Variants in P2RY10 observed in about 807,000 individuals in gnomAD.
P2RY10 encodes putative P2Y purinoceptor 10.
P2RY10 carries 4 observed loss-of-function variants against 12.1 expected under a neutral mutation model. The observed-to-expected ratio is 0.33, with a 90% CI of 0.16 to 0.76. The LOEUF is 0.76. Ranked by LOEUF, P2RY10 falls within the 30% of genes least tolerant of loss-of-function variation. P2RY10 has a pLI of 0.61. For missense variants in P2RY10, 233 were observed against 264.6 expected (o/e 0.88, Z 0.83); for synonymous variants, 112 against 94.1 (o/e 1.19, Z -1.10).
chrX:78,956,187 G>A (rs1224947526), intron 3 of P2RY10, among the ~76,000 whole-genome samples: 2 of 111,629 alleles, frequency 1.8e-5, no homozygotes, highest in East Asian at 2.8e-4. Context: ...GACTGTGCTA[G>A]TTTCTACCCA....
intron 3 of P2RY10, among the ~76,000 whole-genome samples, chrX:78,957,335 C>T (rs1223202079): frequency 1.1e-5 from 1 of 90,231 alleles, no homozygotes; most frequent in African/African-American, 4.1e-5. Flanking sequence ...TAGAGCCAGA[C>T]TCATAGATAG....
chrX:78,960,364 C>T (rs904697074), intron 3 of P2RY10, 144 bp from the exon 4 acceptor site: 1 of 492,376 alleles, frequency 2.0e-6, no homozygotes, highest in South Asian at 3.5e-5. Flanking sequence ...ACTATATTTT[C>T]CTTGAGCCTC....
intron 3 of P2RY10, among the ~76,000 whole-genome samples, chrX:78,958,528 C>A (rs1922453166): frequency 8.9e-6 from 1 of 112,266 alleles, no homozygotes; most frequent in African/African-American, 3.2e-5. Flanking sequence ...TCTAGCTTTG[C>A]TACTTAAGGC....
intron 2 of P2RY10, among the ~76,000 whole-genome samples, chrX:78,948,399 C>T (rs915371074): frequency 2.7e-5 from 3 of 111,770 alleles, no homozygotes; most frequent in Non-Finnish European, 5.7e-5. Context: ...AATGAACTCA[C>T]ATTTATTTAA....
At chrX:78,952,785 G>A (rs753022246) in intron 3 of P2RY10, among the ~76,000 whole-genome samples, 14 of 111,784 alleles carry the variant, frequency 1.3e-4, no homozygotes, top group South Asian at 3.7e-4. Context: ...AAAATTATGC[G>A]TGTTAGAAAA....
At chrX:78,947,230 A>G (rs1002720935) in intron 1 of P2RY10, among the ~76,000 whole-genome samples, 5 of 110,701 alleles carry the variant, frequency 4.5e-5, no homozygotes, top group African/African-American at 1.6e-4. Context: ...AAAAATAAAA[A>G]AAAGATAGGC....
intron 1 of P2RY10, among the ~76,000 whole-genome samples, chrX:78,945,956 A>C (rs765262217): frequency 4.5e-5 from 5 of 111,903 alleles, no homozygotes; most frequent in Non-Finnish European, 7.5e-5. Flanking sequence ...GCTTTCAGAG[A>C]TACTGAGACA....
intron 2 of P2RY10, among the ~76,000 whole-genome samples, chrX:78,950,396 C>G (rs1467546844): frequency 9.0e-6 from 1 of 110,754 alleles, no homozygotes; most frequent in African/African-American, 3.3e-5. Context: ...AAGAGCGTAT[C>G]AGAGCAGCAC....
rs1180775738 is a variant in P2RY10 at position 78,962,552 on chromosome X, T to A, written c.*1012T>A. On this transcript the variant is annotated 3_prime_UTR_variant, in exon 4 of 4. Coordinates refer to ENST00000171757, the MANE Select transcript of P2RY10 (RefSeq NM_014499.4). ...TAAGCCACATGAGATCAAGGCCATTTCAACATGGTTTGCCTGGAATTCTCC... is the reference window on the plus strand; with the variant it reads ...TAAGCCACATGAGATCAAGGCCATTACAACATGGTTTGCCTGGAATTCTCC... Among the ~76,000 whole-genome samples, 1 of 111,938 alleles carries A rather than the reference T, an allele frequency of 8.9e-6. No individual in the cohort carries two copies. Among genetic ancestry groups the A allele is most frequent in the Non-Finnish European group, 1.9e-5 (1 of 53,204 alleles).
chrX:78,952,307 T>C lies in P2RY10; in HGVS notation c.-42T>C, dbSNP rs996740125. The C allele has an allele frequency of 1.3e-6, 1 of 750,753 alleles. No individual in the cohort carries two copies. Among genetic ancestry groups the C allele is most frequent in the African/African-American group, 2.3e-5 (1 of 43,064 alleles). The allele number at this position is 750,753 out of a possible 1,213,427, so 61.9% of individuals were successfully genotyped here. ...CCTGACCTTTGGAATAGGAAGCATG[T>C]ACCCTGGACAGAGCACTTCAAACTA... On this transcript the variant is annotated 5_prime_UTR_variant, in exon 3 of 4. Transcript: ENST00000171757.
chrX:78,947,353 G>A (rs754521077), intron 1 of P2RY10, among the ~76,000 whole-genome samples: 1 of 111,917 alleles, frequency 8.9e-6, no homozygotes, highest in Non-Finnish European at 1.9e-5. Context: ...GTTCCCCGGT[G>A]GTCTATGATT....
intron 2 of P2RY10, among the ~76,000 whole-genome samples, chrX:78,949,626 A>T (rs1160119708): frequency 8.9e-6 from 1 of 112,451 alleles, no homozygotes; most frequent in Admixed American, 9.4e-5. Flanking sequence ...CCTGCATGAA[A>T]GTTCAAATTC....
chrX:78,960,930 A>G lies in P2RY10; in HGVS notation c.410A>G (p.Lys137Arg). 1.7e-6 allele frequency: 2 copies of G among 1,211,029 alleles called. No individual in the cohort carries two copies. The highest frequency in any genetic ancestry group is 2.2e-6 in the Non-Finnish European group (2 of 895,031). The change falls in exon 4 of 4, where the codon AAG becomes AGG. Residue 137 changes from lysine (K) to arginine (R), a missense_variant. Physicochemically the swap from Lys to Arg is conservative, Grantham distance 26. Coordinates refer to ENST00000171757, the MANE Select transcript of P2RY10 (RefSeq NM_014499.4). ...CTTCAAAGGTGCTTTTTTCTCCTCAAGCCCTTCAGGGCCAGAGACTGGAAG... is the reference window on the plus strand; with the variant it reads ...CTTCAAAGGTGCTTTTTTCTCCTCAGGCCCTTCAGGGCCAGAGACTGGAAG... Reference protein sequence around the residue: ...ISLQRCFFLLKPFRARDWKRR... With the variant: ...ISLQRCFFLLRPFRARDWKRR...
chrX:78,960,450 G>A (rs1922551288), intron 3 of P2RY10, 58 bp from the exon 4 acceptor site: 2 of 857,360 alleles, frequency 2.3e-6, no homozygotes, highest in Non-Finnish European at 3.3e-6. Flanking sequence ...AGAGATCTAG[G>A]TGTTAACTAA....
intron 3 of P2RY10, among the ~76,000 whole-genome samples, chrX:78,953,589 T>G (rs1369381471): frequency 1.8e-5 from 2 of 112,270 alleles, no homozygotes; most frequent in African/African-American, 6.5e-5. Context: ...CATCTTTGAC[T>G]CCTCAAGCAG....
intron 1 of P2RY10, among the ~76,000 whole-genome samples, chrX:78,947,186 G>A (rs750057062): frequency 4.6e-5 from 5 of 109,241 alleles, no homozygotes; most frequent in Non-Finnish European, 7.6e-5. Flanking sequence ...TTGCACTCCA[G>A]CCTGGGAGAC....
In P2RY10 at chrX:78,961,802, T is replaced by C; in HGVS notation, c.*262T>C. Reference sequence around the variant, plus strand: ...ATTTAAGAAACCTAGATCAAGTTTTTACAGATGTAAATAAAAGTTGAATAG... The same window carrying C: ...ATTTAAGAAACCTAGATCAAGTTTTCACAGATGTAAATAAAAGTTGAATAG... On this transcript the variant is annotated 3_prime_UTR_variant, in exon 4 of 4. Coordinates refer to ENST00000171757, the MANE Select transcript of P2RY10 (RefSeq NM_014499.4). 7.2e-6 allele frequency: 2 copies of C among 275,991 alleles called. No individual in the cohort carries two copies. The highest frequency in any genetic ancestry group is 1.3e-5 in the Non-Finnish European group (2 of 151,707). The allele number at this position is 275,991 out of a possible 1,213,427, so 22.7% of individuals were successfully genotyped here.
intron 3 of P2RY10, among the ~76,000 whole-genome samples, 163 bp downstream of exon 3, chrX:78,952,498 G>A (rs760550194): frequency 2.7e-5 from 3 of 111,492 alleles, no homozygotes; most frequent in Non-Finnish European, 5.6e-5. Flanking sequence ...TATAAAGTGA[G>A]GAAAAGAAAA....
chrX:78,949,504 A>G (rs1465728245), intron 2 of P2RY10, among the ~76,000 whole-genome samples: 1 of 111,968 alleles, frequency 8.9e-6, no homozygotes, highest in Non-Finnish European at 1.9e-5. Flanking sequence ...ATGATATGAT[A>G]CCAGGTCTTC....
Sources: gnomAD v4.1 joint callset for allele counts (sites outside exome capture counted in the v4.1 genomes callset) on GRCh38, gnomAD v4.1.1 for gene constraint, MANE v1.5 for transcripts, NCBI Gene and HGNC (gene_info 2026-07-23, HGNC 2026-07-21) for gene names.